Variants in GOSR2 observed in about 807,000 individuals in gnomAD.
GOSR2 encodes 27 kDa Golgi SNARE protein.
In GOSR2, 20 loss-of-function variants were observed where a neutral mutation model predicts 27.9. The ratio of observed to expected loss-of-function variants is 0.72; its 90% confidence interval spans 0.50 to 1.04. The LOEUF (loss-of-function observed/expected upper bound fraction) is 1.04, where lower values mean the gene tolerates loss of function less well. Among genes scored for constraint, GOSR2 ranks in the 50% least tolerant of loss-of-function variants. The pLI is 0.00. For synonymous variants in GOSR2, 91 were observed against 98.8 expected (o/e 0.92, Z 0.47); for missense variants, 261 against 270.5 (o/e 0.97, Z 0.25).
Position 46,940,458 on chromosome 17 carries a change from A to G in GOSR2, c.*1698A>G. The G allele has an allele frequency of 6.2e-7, 1 of 1,609,732 alleles. No homozygotes were observed. Among genetic ancestry groups the G allele is most frequent in the Non-Finnish European group, 8.5e-7 (1 of 1,179,692 alleles). Reference sequence around the variant, plus strand: ...AGGCACATTGACATTTCCATTACACACAGCACTGCTGCGGTGCCAGGGACC... The same window carrying G: ...AGGCACATTGACATTTCCATTACACGCAGCACTGCTGCGGTGCCAGGGACC... On this transcript the variant is annotated 3_prime_UTR_variant, in exon 6 of 6. Transcript: ENST00000640051.
At chr17:46,942,519 G>T (rs376246079), downstream of GOSR2, among the ~76,000 whole-genome samples, 1 of 152,218 alleles carries the variant, frequency 6.6e-6, no homozygotes, top group Admixed American at 6.5e-5. Flanking sequence ...GCTCTGCTGG[G>T]GTCTGGGGGG....
At position 46,940,408 on chromosome 17, in the gene GOSR2, G is replaced by A; in HGVS notation, c.*1648G>A. ...GGACTGGGGGGTTGCAGCATCTTTAGACCTAGATCTGTCTAACTCTGGGGA... is the reference window on the plus strand; with the variant it reads ...GGACTGGGGGGTTGCAGCATCTTTAAACCTAGATCTGTCTAACTCTGGGGA... On this transcript the variant is annotated 3_prime_UTR_variant, in exon 6 of 6. Coordinates refer to ENST00000640051, the MANE Select transcript of GOSR2 (RefSeq NM_004287.5). 6.3e-7 allele frequency: 1 copy of A among 1,585,758 alleles called. No individual in the cohort carries two copies. The highest frequency in any genetic ancestry group is 8.5e-7 in the Non-Finnish European group (1 of 1,171,596).
intron 6 of GOSR2, among the ~76,000 whole-genome samples, chr17:46,952,080 C>G (rs1280211200): frequency 6.6e-6 from 1 of 152,172 alleles, no homozygotes; most frequent in Non-Finnish European, 1.5e-5. Flanking sequence ...TTTTGTGAAG[C>G]TATTTTTTTG....
chr17:46,942,205 G>A (rs2089373578), downstream of GOSR2, among the ~76,000 whole-genome samples: 1 of 152,178 alleles, frequency 6.6e-6, no homozygotes, highest in African/African-American at 2.4e-5. Flanking sequence ...AGTAGCCAAA[G>A]CAAAGAAAGA....
At chr17:46,959,562 C>G (rs983294005) in intron 6 of GOSR2, among the ~76,000 whole-genome samples, 1 of 152,142 alleles carries the variant, frequency 6.6e-6, no homozygotes, top group Non-Finnish European at 1.5e-5. Context: ...AAAACACTCT[C>G]AAGAGCTTAT....
Position 46,938,804 on chromosome 17 carries a change from A to AGT in GOSR2, c.*58_*59dup, listed in dbSNP as rs571009629. The stretch of plus-strand genomic sequence containing the variant: ...CTGAACAGCATTCCCACAGCCTGCA[A>AGT]GTGTGTGTGTGTGTGAAAGAGAGAG... On this transcript the variant is annotated 3_prime_UTR_variant, in exon 6 of 6. Transcript: ENST00000640051. 4.5e-4 allele frequency: 707 copies of AGT among 1,578,680 alleles called. 1 individual carries two copies. Among genetic ancestry groups the AGT allele is most frequent in the Admixed American group, 1.6e-3 (95 of 59,544 alleles).
chr17:46,931,616 A>G, intron 3 of GOSR2: 1 of 289,812 alleles, frequency 3.5e-6, no homozygotes. Flanking sequence ...CTAATGTTTG[A>G]TACTCCAGCA....
intron 4 of GOSR2, 91 bp from the exon 5 acceptor site, chr17:46,934,938 C>G (rs2088042480): frequency 8.7e-7 from 1 of 1,151,794 alleles, no homozygotes; most frequent in Admixed American, 1.7e-5. Flanking sequence ...TCCGGCTGTT[C>G]TGGCTTGGCC....
downstream of GOSR2, among the ~76,000 whole-genome samples, chr17:46,942,303 C>G (rs2089389424): frequency 6.6e-6 from 1 of 152,246 alleles, no homozygotes; most frequent in Non-Finnish European, 1.5e-5. Context: ...CTGTAGGCCT[C>G]ACGGAGGTCA....
chr17:46,938,409 T>C lies in GOSR2; in HGVS notation c.478-190T>C, dbSNP rs540470470. On this transcript the variant is annotated intron_variant, in intron 5 of 5. Transcript: ENST00000640051. ...GACTTTTCTTTCCACTTAGCGTTGC[T>C]CTGGTACCTTGATCAAAAATCAGTC... Among the ~76,000 whole-genome samples, 8 of 152,296 alleles carry C rather than the reference T, an allele frequency of 5.3e-5. No individual in the cohort carries two copies. In the South Asian group the frequency reaches 1.7e-3, roughly 32 times the overall value.
chr17:46,945,997 T>TGAG (rs2089826153), downstream of GOSR2, among the ~76,000 whole-genome samples: 1 of 152,098 alleles, frequency 6.6e-6, no homozygotes, highest in Non-Finnish European at 1.5e-5. Context: ...GGGCAGCCTC[T>TGAG]CTTACCTCAA....
chr17:46,939,434 G>A lies in GOSR2; in HGVS notation c.*674G>A, dbSNP rs375928886. 3.5e-5 allele frequency: 35 copies of A among 992,324 alleles called. No homozygotes were observed. Among genetic ancestry groups the A allele is most frequent in the Middle Eastern group, 5.2e-4 (1 of 1,936 alleles). The allele number at this position is 992,324 out of a possible 1,614,324, so 61.5% of individuals were successfully genotyped here. Reference sequence around the variant, plus strand: ...TAAAGTGAGGCCAGTGTTATTTCCCGGGAGTGTTCAGTCTTGACCCTAGTC... The same window carrying A: ...TAAAGTGAGGCCAGTGTTATTTCCCAGGAGTGTTCAGTCTTGACCCTAGTC... On this transcript the variant is annotated 3_prime_UTR_variant, in exon 6 of 6. Coordinates refer to ENST00000640051, the MANE Select transcript of GOSR2 (RefSeq NM_004287.5).
chr17:46,932,225 G>T (rs996493762), intron 4 of GOSR2, 26 bp downstream of exon 4: 9 of 1,613,542 alleles, frequency 5.6e-6, no homozygotes, highest in East Asian at 2.2e-5. Flanking sequence ...GGTGAGGGTC[G>T]GCCTGCACTT....
chr17:46,950,809 TC>T (rs1367810207), intron 6 of GOSR2, among the ~76,000 whole-genome samples: 1 of 152,070 alleles, frequency 6.6e-6, no homozygotes, highest in Non-Finnish European at 1.5e-5. Context: ...CAGTTCCAAA[TC>T]CCAGAACAGA....
In GOSR2 at chr17:46,938,469, T is replaced by C. The variant is rs7221042; in HGVS notation, c.478-130T>C. On this transcript the variant is annotated intron_variant, in intron 5 of 5. Transcript: ENST00000640051. ...AGAGTGGCTCTATTTCTGGCTGATA[T>C]TGCTTTCTGTGTATTCTGGGCATGA... 141,896 of 1,419,880 alleles carry C rather than the reference T, an allele frequency of 0.1. 8,036 individuals are homozygous for C. Among genetic ancestry groups the C allele is most frequent in the African/African-American group, 0.12 (8,891 of 71,386 alleles). The allele number at this position is 1,419,880 out of a possible 1,614,324, so 88.0% of individuals were successfully genotyped here. A position where few individuals can be genotyped will look rare whatever the true frequency, so the allele number is the denominator to read the frequency against.
At chr17:46,923,912 G>A (rs2086101514) in intron 1 of GOSR2, 1 of 397,766 alleles carries the variant, frequency 2.5e-6, no homozygotes, top group South Asian at 1.3e-4. Context: ...GGGGGCGGGG[G>A]GCAGAATTAT....
chr17:46,932,286 G>C (rs1437969639), intron 4 of GOSR2, 87 bp downstream of exon 4: 4 of 1,525,764 alleles, frequency 2.6e-6, no homozygotes, highest in South Asian at 2.2e-5. Context: ...TCTGTTTTGG[G>C]GGTGTCTGAA....
At chr17:46,947,143 A>T (rs1225192630) in intron 6 of GOSR2, among the ~76,000 whole-genome samples, 1 of 152,104 alleles carries the variant, frequency 6.6e-6, no homozygotes, top group African/African-American at 2.4e-5. Flanking sequence ...CCTGACATGA[A>T]TGTGGATGCA....
rs2089232961 is a variant in GOSR2 at position 46,941,215 on chromosome 17, G to T, written c.*2455G>T. 1.0e-6 allele frequency: 1 copy of T among 997,120 alleles called. No homozygotes were observed. Among genetic ancestry groups the T allele is most frequent in the Non-Finnish European group, 1.2e-6 (1 of 835,548 alleles). The allele number at this position is 997,120 out of a possible 1,614,324, so 61.8% of individuals were successfully genotyped here. On this transcript the variant is annotated 3_prime_UTR_variant, in exon 6 of 6. Coordinates refer to ENST00000640051, the MANE Select transcript of GOSR2 (RefSeq NM_004287.5). ...AACTCCAAGACCAAGTAAGTTAGAG[G>T]AGTCTTGATTTTTTAGACTTCACTG... is the stretch of plus-strand genomic sequence containing the variant.
Sources: gnomAD v4.1 joint callset for allele counts (sites outside exome capture counted in the v4.1 genomes callset) on GRCh38, gnomAD v4.1.1 for gene constraint, MANE v1.5 for transcripts, NCBI Gene and HGNC (gene_info 2026-07-23, HGNC 2026-07-21) for gene names.